EYA4: variants seen among roughly 807,000 people sequenced by gnomAD.
The protein encoded by EYA4 is protein phosphatase EYA4.
A neutral mutation model predicts 87.9 loss-of-function variants in EYA4; 31 were observed. That is an observed-to-expected ratio of 0.35 (90% CI 0.27 to 0.48). The LOEUF is 0.48. Among genes scored for constraint, EYA4 ranks in the 20% least tolerant of loss-of-function variants. The pLI is 0.99. For missense variants in EYA4, 678 were observed against 761.4 expected (o/e 0.89, Z 1.29); for synonymous variants, 263 against 270.6 (o/e 0.97, Z 0.28).
At chr6:133,293,452 G>C (rs947981778) in intron 2 of EYA4, among the ~76,000 whole-genome samples, 1 of 151,982 alleles carries the variant, frequency 6.6e-6, no homozygotes, top group African/African-American at 2.4e-5. Flanking sequence ...GAATACTATA[G>C]TTAAAAATCA....
In EYA4 at chr6:133,464,786, T is replaced by G; in HGVS notation, c.732T>G (p.Ser244Arg). Residue 244 changes from serine to arginine, a missense_variant, in exon 10 of 20, where the codon AGT becomes AGG. Transcript: ENST00000355286. Reference protein sequence around the residue: ...TPYSYQMPGSSFAPSSTIYAN... With the variant: ...TPYSYQMPGSRFAPSSTIYAN... ...TTTGTTTTTTACCTCTAGGTTCTAG[T>G]TTTGCACCATCATCTACTATTTATG... 6.2e-7 allele frequency: 1 copy of G among 1,603,504 alleles called. No homozygotes were observed. Among genetic ancestry groups the G allele is most frequent in the Non-Finnish European group, 8.5e-7 (1 of 1,171,156 alleles).
intron 3 of EYA4, chr6:133,435,614 TG>T (rs1301448710): frequency 6.6e-6 from 1 of 152,160 alleles, no homozygotes; most frequent in Non-Finnish European, 1.5e-5. Flanking sequence ...TTGTGACAAG[TG>T]GTTTTTGGAT....
At chr6:133,507,577 C>T (rs1441472169) in intron 14 of EYA4, among the ~76,000 whole-genome samples, 1 of 152,076 alleles carries the variant, frequency 6.6e-6, no homozygotes, top group Non-Finnish European at 1.5e-5. Context: ...TCCCTGTGTC[C>T]ATGTGTTCTC....
chr6:133,273,086 G>T (rs1776846396), intron 1 of EYA4, among the ~76,000 whole-genome samples: 2 of 83,000 alleles, frequency 2.4e-5, no homozygotes, highest in African/African-American at 7.1e-5. Flanking sequence ...ACTAATAGGA[G>T]ATATATATAT....
chr6:133,338,578 C>T (rs931171733), intron 2 of EYA4, among the ~76,000 whole-genome samples: 1 of 152,070 alleles, frequency 6.6e-6, no homozygotes, highest in Non-Finnish European at 1.5e-5. Flanking sequence ...ATCATTCAGC[C>T]TCTATTAAAT....
intron 1 of EYA4, among the ~76,000 whole-genome samples, 175 bp from the exon 2 acceptor site, chr6:133,274,541 A>G (rs1777007291): frequency 6.6e-6 from 1 of 152,112 alleles, no homozygotes; most frequent in African/African-American, 2.4e-5. Flanking sequence ...CCATGACACT[A>G]TTTTCAAGAT....
intron 17 of EYA4, 82 bp downstream of exon 17, chr6:133,515,517 T>C: frequency 2.2e-6 from 2 of 926,394 alleles, no homozygotes; most frequent in Non-Finnish European, 3.6e-6. Context: ...ATGTTTTAAT[T>C]CCTAGACTGT....
intron 2 of EYA4, among the ~76,000 whole-genome samples, chr6:133,284,922 G>T (rs1777911075): frequency 6.6e-6 from 1 of 151,800 alleles, no homozygotes. Context: ...ACCAAATAAA[G>T]CAGGGAGGAG....
intron 11 of EYA4, among the ~76,000 whole-genome samples, chr6:133,479,767 T>G (rs142094168): frequency 6.6e-6 from 1 of 152,148 alleles, no homozygotes; most frequent in Admixed American, 6.6e-5. Context: ...GAAACTGAGA[T>G]TTAGAGAGAT....
chr6:133,337,459 G>A (rs1205650213), intron 2 of EYA4, among the ~76,000 whole-genome samples: 2 of 152,182 alleles, frequency 1.3e-5, no homozygotes, highest in Non-Finnish European at 2.9e-5. Flanking sequence ...GAATGTTGGT[G>A]TCAGACACAG....
rs995637981 is a variant in EYA4, at chr6:133,446,882, A to G, written c.208+128A>G. Reference sequence around the variant, plus strand: ...CACAAATCAGCATTATATCCAAGGTATATATAATTAATATTGATTGTTTTG... The same window carrying G: ...CACAAATCAGCATTATATCCAAGGTGTATATAATTAATATTGATTGTTTTG... On this transcript the variant is annotated intron_variant, in intron 4 of 19. Transcript: ENST00000355286. 4 of 928,074 alleles carry G rather than the reference A, an allele frequency of 4.3e-6. No individual in the cohort carries two copies. The African/African-American group carries it at 6.7e-5, about 15-fold the overall frequency. 57.5% of individuals were successfully genotyped at this position (928,074 alleles called of 1,614,324 possible). A position where few individuals can be genotyped will look rare whatever the true frequency, so the allele number is the denominator to read the frequency against.
At chr6:133,269,111 T>C (rs1776472358) in intron 1 of EYA4, among the ~76,000 whole-genome samples, 1 of 152,058 alleles carries the variant, frequency 6.6e-6, no homozygotes, top group Admixed American at 6.6e-5. Flanking sequence ...ATGCAAAAAT[T>C]AGCCAGGCGT....
In EYA4 at chr6:133,528,722, C is replaced by T. The variant is rs372778115; in HGVS notation, c.1840-3C>T. 1 of 1,609,038 alleles carries T rather than the reference C, an allele frequency of 6.2e-7. No homozygotes were observed. Among genetic ancestry groups the T allele is most frequent in the African/African-American group, 1.3e-5 (1 of 74,802 alleles). ...CCCATCCCTCCTTCTCCTAACCACA[C>T]AGCACAACATGCCCTTCTGGAGGAT... On this transcript the variant is annotated splice_region_variant and splice_polypyrimidine_tract_variant and intron_variant, in intron 19 of 19. Transcript: ENST00000355286.
intron 3 of EYA4, among the ~76,000 whole-genome samples, chr6:133,445,771 G>A (rs1792766637): frequency 2.0e-5 from 3 of 151,868 alleles, no homozygotes; most frequent in Admixed American, 1.3e-4. Flanking sequence ...TAGTAGAGAC[G>A]GGGTTTCACC....
intron 2 of EYA4, among the ~76,000 whole-genome samples, chr6:133,288,912 G>GTTC (rs1778273366): frequency 6.6e-6 from 1 of 152,174 alleles, no homozygotes; most frequent in Non-Finnish European, 1.5e-5. Context: ...TTCTTGACCA[G>GTTC]AAGGTTACTG....
chr6:133,428,911 C>CTTCTTT (rs1790919538), intron 3 of EYA4, among the ~76,000 whole-genome samples: 1 of 48,232 alleles, frequency 2.1e-5, no homozygotes, highest in Non-Finnish European at 3.6e-5. Flanking sequence ...GATTTAGCTT[C>CTTCTTT]TTTTTTTTTT....
intron 11 of EYA4, 58 bp from the exon 12 acceptor site, chr6:133,481,405 A>T: frequency 1.3e-6 from 2 of 1,495,752 alleles, no homozygotes; most frequent in Non-Finnish European, 1.9e-6. Context: ...AATAATGAAG[A>T]CTCATACTTG....
intron 3 of EYA4, among the ~76,000 whole-genome samples, chr6:133,404,062 C>A (rs1788492218): frequency 1.3e-5 from 2 of 152,140 alleles, no homozygotes. Flanking sequence ...GATCCACCCG[C>A]CTCAGCCTCC....
At chr6:133,323,488 G>A (rs747303313) in intron 2 of EYA4, among the ~76,000 whole-genome samples, 56 of 152,202 alleles carry the variant, frequency 3.7e-4, no homozygotes, top group South Asian at 1.2e-3. Context: ...GAAAAATTGC[G>A]TAAACTTTGG....
Sources: allele counts gnomAD v4.1 joint callset (sites outside exome capture counted in the v4.1 genomes callset), GRCh38; gene constraint gnomAD v4.1.1; transcripts MANE v1.5; gene names NCBI Gene and HGNC (gene_info 2026-07-23, HGNC 2026-07-21).